Variants in CACNA1C observed in about 807,000 individuals in gnomAD.
CACNA1C encodes the protein calcium voltage-gated channel subunit alpha1 C, also known as voltage-dependent L-type calcium channel subunit alpha-1C.
Under a neutral mutation model 229.0 loss-of-function variants are expected in CACNA1C, and 30 were observed. The observed-to-expected ratio is 0.13, with a 90% CI of 0.10 to 0.18. The LOEUF is 0.18. Ranked by LOEUF, CACNA1C falls within the 10% of genes least tolerant of loss-of-function variation. The pLI is 1.00. For missense variants in CACNA1C, 1,658 were observed against 2,845.0 expected (o/e 0.58, Z 9.49); for synonymous variants, 1,114 against 1,132.5 (o/e 0.98, Z 0.33).
Position 2,103,819 on chromosome 12 carries a change from T to A in CACNA1C, c.50-11405T>A, listed in dbSNP as rs1043846387. On this transcript the variant is annotated intron_variant, in intron 1 of 46. Coordinates refer to ENST00000399655, the MANE Select transcript of CACNA1C (RefSeq NM_000719.7). Reference sequence around the variant, plus strand: ...TGGCTAGCCAATATTTCCAACACCATTTATTAAATAGGGAATCCTTTCCCC... The same window carrying A: ...TGGCTAGCCAATATTTCCAACACCAATTATTAAATAGGGAATCCTTTCCCC... Among the ~76,000 whole-genome samples the A allele has an allele frequency of 2.6e-5, 4 of 152,252 alleles. No homozygotes were observed. In the East Asian group the frequency reaches 7.7e-4, roughly 29 times the overall value.
Position 2,605,650 on chromosome 12 carries a change from G to A in CACNA1C, c.3049-29G>A, listed in dbSNP as rs761228848. On this transcript the variant is annotated intron_variant, in intron 23 of 46. Transcript: ENST00000399655. The surrounding 1 kb of genome is among the most constrained non-coding windows in gnomAD (Gnocchi z 6.2). ...GGCTCCTGGCATCTCCTGAAGCCAC[G>A]TCCCTCTCCCCGTCCCTTCCCACTG... 24 of 1,552,200 alleles carry A rather than the reference G, an allele frequency of 1.5e-5. No homozygotes were observed. Among genetic ancestry groups the A allele is most frequent in the East Asian group, 4.5e-5 (2 of 44,438 alleles).
chr12:2,311,731 G>A (rs538696727), intron 3 of CACNA1C, among the ~76,000 whole-genome samples: 20 of 152,300 alleles, frequency 1.3e-4, no homozygotes, highest in African/African-American at 3.8e-4. Flanking sequence ...GAGAAAAACC[G>A]TGGCATCTCA....
In CACNA1C at chr12:2,693,746, G is replaced by A. The variant is rs1387237813; in HGVS notation, c.*2547G>A. 1 of 152,198 alleles carries A rather than the reference G, an allele frequency of 6.6e-6. No homozygotes were observed. The highest frequency in any genetic ancestry group is 1.5e-5 in the Non-Finnish European group (1 of 68,052). 9.4% of individuals were successfully genotyped at this position (152,198 alleles called of 1,614,324 possible). On this transcript the variant is annotated 3_prime_UTR_variant, in exon 47 of 47. Transcript: ENST00000399655. ...TTGGTGCTGTGTCCTTCAAATGTAT[G>A]TCAACAGTGGTGGCTGAAAAGGGAC...
At chr12:2,298,544 G>A (rs112681720) in intron 3 of CACNA1C, among the ~76,000 whole-genome samples, 4,087 of 152,166 alleles carry the variant, frequency 0.027, 66 homozygotes, top group African/African-American at 0.042. Flanking sequence ...TGATCTGCCC[G>A]CCTCGGCCTC....
chr12:1,990,052 C>T (rs1482917354), intron 1 of CACNA1C, among the ~76,000 whole-genome samples: 1 of 152,166 alleles, frequency 6.6e-6, no homozygotes, highest in Non-Finnish European at 1.5e-5. Context: ...TTATTTACTG[C>T]TAGTACTTCA....
intron 3 of CACNA1C, among the ~76,000 whole-genome samples, chr12:2,224,828 T>C (rs759192250): frequency 5.9e-5 from 9 of 152,218 alleles, no homozygotes; most frequent in Admixed American, 1.3e-4. Context: ...GAGGGGATGA[T>C]AATGTCGTAT....
At chr12:1,998,339 G>A (rs2041424408) in intron 1 of CACNA1C, among the ~76,000 whole-genome samples, 1 of 152,182 alleles carries the variant, frequency 6.6e-6, no homozygotes, top group Non-Finnish European at 1.5e-5. Flanking sequence ...ACTGGGTATA[G>A]AGAAAGCTGC....
intron 3 of CACNA1C, among the ~76,000 whole-genome samples, chr12:2,371,141 T>C (rs148080172): frequency 1.3e-5 from 2 of 152,228 alleles, no homozygotes; most frequent in African/African-American, 4.8e-5. Flanking sequence ...TAATTCTGAG[T>C]AGCTTCAGGA....
At chr12:2,572,881 C>A (rs2056780370) in intron 13 of CACNA1C, among the ~76,000 whole-genome samples, 1 of 111,186 alleles carries the variant, frequency 9.0e-6, no homozygotes, top group Admixed American at 8.8e-5. Flanking sequence ...TCTTCTTCTT[C>A]TCCTCTCCTC....
intron 1 of CACNA1C, among the ~76,000 whole-genome samples, chr12:1,987,804 A>T (rs965245907): frequency 6.6e-6 from 1 of 152,186 alleles, no homozygotes; most frequent in African/African-American, 2.4e-5. Flanking sequence ...GCAGAGCTAC[A>T]TGGTGTACTA....
intron 3 of CACNA1C, among the ~76,000 whole-genome samples, chr12:2,183,578 C>G (rs1046784516): frequency 6.6e-6 from 1 of 151,366 alleles, no homozygotes; most frequent in Non-Finnish European, 1.5e-5. Flanking sequence ...GGGGACAGAC[C>G]CCCCCCCGGC....
chr12:2,258,754 A>G (rs139029182), intron 3 of CACNA1C, among the ~76,000 whole-genome samples: 32 of 152,272 alleles, frequency 2.1e-4, no homozygotes, highest in Non-Finnish European at 1.6e-4. Flanking sequence ...AATATTTTCT[A>G]TCTTATTATT....
chr12:2,418,519 G>C (rs935568135), intron 3 of CACNA1C, among the ~76,000 whole-genome samples: 1 of 151,764 alleles, frequency 6.6e-6, no homozygotes, highest in African/African-American at 2.4e-5. Flanking sequence ...CCAGAGCCCT[G>C]TGGAGGAGAT....
At chr12:2,532,656 T>A (rs1342096139) in intron 9 of CACNA1C, among the ~76,000 whole-genome samples, 1 of 152,186 alleles carries the variant, frequency 6.6e-6, no homozygotes, top group Non-Finnish European at 1.5e-5. Flanking sequence ...CCCAAGAGCC[T>A]TCCTGTGTTC....
intron 3 of CACNA1C, among the ~76,000 whole-genome samples, chr12:2,265,816 G>A (rs1353597315): frequency 2.0e-5 from 3 of 152,228 alleles, no homozygotes; most frequent in Admixed American, 1.3e-4. Context: ...GAGAGGGAGA[G>A]CTGGGTGGCC....
chr12:2,478,260 GGA>G (rs1229891067), intron 5 of CACNA1C, among the ~76,000 whole-genome samples: 3 of 152,124 alleles, frequency 2.0e-5, no homozygotes, highest in Non-Finnish European at 4.4e-5. Context: ...TTATCACTGA[GGA>G]TAACCCCCAT....
chr12:2,453,517 G>A (rs930598114), intron 4 of CACNA1C, among the ~76,000 whole-genome samples: 52 of 152,086 alleles, frequency 3.4e-4, no homozygotes, highest in African/African-American at 1.3e-3. Context: ...TCCTCTCTGG[G>A]TATAAAGGAC....
In CACNA1C at chr12:2,346,614, G is replaced by A. The variant is rs183374984; in HGVS notation, c.478-102362G>A. Among the ~76,000 whole-genome samples the A allele has an allele frequency of 1.3e-3, 194 of 152,254 alleles. No individual in the cohort carries two copies. The highest frequency in any genetic ancestry group is 3.5e-3 in the African/African-American group (146 of 41,546). ...CGGCCCCAGTGTGTGTCCTGGGGGC[G>A]TAGTCACTGCCCTTCCAAGCCTGGA... is the stretch of plus-strand genomic sequence containing the variant. On this transcript the variant is annotated intron_variant, in intron 3 of 46. Coordinates refer to ENST00000399655, the MANE Select transcript of CACNA1C (RefSeq NM_000719.7). The surrounding 1 kb of genome is among the most constrained non-coding windows in gnomAD (Gnocchi z 4.4).
intron 3 of CACNA1C, among the ~76,000 whole-genome samples, chr12:2,400,564 C>T (rs1158410574): frequency 5.9e-5 from 9 of 152,168 alleles, no homozygotes; most frequent in Admixed American, 2.0e-4. Flanking sequence ...AGGGCTGCTA[C>T]GAATACAGAA....
Sources: allele counts gnomAD v4.1 joint callset (sites outside exome capture counted in the v4.1 genomes callset), GRCh38; gene constraint gnomAD v4.1.1; non-coding constraint Gnocchi (gnomAD v3.1); transcripts MANE v1.5; gene names NCBI Gene and HGNC (gene_info 2026-07-23, HGNC 2026-07-21).